The following ZNF687 variants were observed in gnomAD, a reference collection of about 807,000 sequenced individuals.
ZNF687 encodes zinc finger protein 687.
A neutral mutation model predicts 71.8 loss-of-function variants in ZNF687; 13 were observed. The observed-to-expected ratio is 0.18, with a 90% CI of 0.12 to 0.29. The LOEUF is 0.29. Among genes scored for constraint, ZNF687 ranks in the 10% least tolerant of loss-of-function variants. The pLI is 1.00. For synonymous variants in ZNF687, 673 were observed against 641.6 expected, an observed-to-expected ratio of 1.05 and a Z score of -0.74; for missense variants, 1,412 against 1,625.6, an observed-to-expected ratio of 0.87 and a Z score of 2.26.
rs200203393 is a variant in ZNF687, at chr1:151,289,444, C to T, written c.2538C>T (p.Phe846=). 4.3e-5 allele frequency: 70 copies of T among 1,614,180 alleles called. No homozygotes were observed. Among genetic ancestry groups the T allele is most frequent in the Admixed American group, 8.3e-5 (5 of 60,034 alleles). ...FTHKPLLSSH[F]DQHLLPQRVS... is the part of the protein sequence containing the mutation. ...ACAAACCCCTCCTCTCCTCACACTTCGACCAGCACTTGCTGCCCCAGCGTG... is the reference window on the plus strand; with the variant it reads ...ACAAACCCCTCCTCTCCTCACACTTTGACCAGCACTTGCTGCCCCAGCGTG... The change falls in exon 5 of 9, where the codon TTC becomes TTT. Residue 846 remains phenylalanine (F), a synonymous_variant. Transcript: ENST00000336715.
In ZNF687 at chr1:151,287,833, T is replaced by C. The variant is rs1484215826; in HGVS notation, c.1542T>C (p.Tyr514=). 1.9e-6 allele frequency: 3 copies of C among 1,613,862 alleles called. No homozygotes were observed. The highest frequency in any genetic ancestry group is 2.2e-5 in the East Asian group (1 of 44,888). The change falls in exon 2 of 9, where the codon TAT becomes TAC. Residue 514 remains tyrosine, a synonymous_variant. Coordinates refer to ENST00000336715, the MANE Select transcript of ZNF687 (RefSeq NM_020832.3). The surrounding 1 kb of genome is among the most constrained non-coding windows in gnomAD (Gnocchi z 5.0). ...ILNSKNLLPA[Y]RPNLSPPAEA... ...ACAGCAAGAACCTGCTCCCTGCCTA[T>C]AGGCCAAACCTGAGCCCACCAGCTG...
chr1:151,284,269 T>C (rs1209083180), intron 1 of ZNF687: 2 of 985,100 alleles, frequency 2.0e-6, no homozygotes, highest in African/African-American at 3.5e-5. Context: ...GAAATGTGTA[T>C]GTATCTTGGG....
In ZNF687 at chr1:151,287,420, A is replaced by G. The variant is rs772264906; in HGVS notation, c.1129A>G (p.Thr377Ala). The G allele has an allele frequency of 4.3e-6, 7 of 1,614,116 alleles. No individual in the cohort carries two copies. The Admixed American group carries it at 6.7e-5, about 15-fold the overall frequency. ...TAGCCTCTTGAAGCTGTCCCCTGCA[A>G]CACCTACTTCTGAGGGTCCAAAGGT... ...EASLLKLSPA[T>A]PTSEGPKVVS... Residue 377 changes from threonine (T) to alanine (A), a missense_variant, in exon 2 of 9, where the codon ACA becomes GCA. Transcript: ENST00000336715. The surrounding 1 kb of genome is among the most constrained non-coding windows in gnomAD (Gnocchi z 5.0).
chr1:151,289,165 G>A lies in ZNF687; in HGVS notation c.2365G>A (p.Glu789Lys), dbSNP rs181555523. ...IKSHIQTSHCEVFHKCPICPM... is the reference protein window; with the variant it reads ...IKSHIQTSHCKVFHKCPICPM... ...GTCCCACATCCAGACGTCGCACTGC[G>A]AGGTTTTCCACAAGTGCCCCATCTG... The change falls in exon 4 of 9, where the codon GAG becomes AAG. Residue 789 changes from glutamate (E) to lysine (K), a missense_variant. Physicochemically the swap from Glu to Lys is moderately conservative, Grantham distance 56. Around this residue, in one of 8 missense-constraint regions of ZNF687, gnomAD observed 106 missense variants for 146.0 expected, o/e 0.73. Coordinates refer to ENST00000336715, the MANE Select transcript of ZNF687 (RefSeq NM_020832.3). 8 of 1,614,180 alleles carry A rather than the reference G, an allele frequency of 5.0e-6. No homozygotes were observed. The highest frequency in any genetic ancestry group is 6.8e-6 in the Non-Finnish European group (8 of 1,180,036).
At chr1:151,281,931 G>C, upstream of ZNF687, 1 of 989,650 alleles carries the variant, frequency 1.0e-6, no homozygotes, top group Non-Finnish European at 1.3e-6. Context: ...AGTAGGGAGC[G>C]AGGGGCGGAG....
At position 151,289,888 on chromosome 1, in the gene ZNF687, G is replaced by A. The variant is rs1694131720; in HGVS notation, c.2845G>A (p.Gly949Arg). ...RPAKRPRREL[G>R]SKGLKGGGGG... ...AGCCAAACGGCCTCGGCGGGAACTA[G>A]GGAGCAAAGGCCTCAAGGGTGGGGG... is the stretch of plus-strand genomic sequence containing the variant. The change falls in exon 6 of 9, where the codon GGG becomes AGG. Residue 949 changes from glycine to arginine, a missense_variant. Gly to Arg is a moderately radical substitution (Grantham distance 125). Transcript: ENST00000336715. The A allele has an allele frequency of 1.3e-6, 2 of 1,561,316 alleles. No homozygotes were observed. The highest frequency in any genetic ancestry group is 1.7e-6 in the Non-Finnish European group (2 of 1,151,888).
intron 7 of ZNF687, 92 bp downstream of exon 7, chr1:151,290,326 C>G: frequency 2.5e-6 from 4 of 1,608,634 alleles, no homozygotes; most frequent in Middle Eastern, 3.3e-4. Flanking sequence ...GTCTAAGTGG[C>G]CTGATGGTTG....
At position 151,286,494 on chromosome 1, in the gene ZNF687, A is replaced by C; in HGVS notation, c.203A>C (p.Gln68Pro). The C allele has an allele frequency of 1.2e-6, 2 of 1,614,150 alleles. No individual in the cohort carries two copies. The highest frequency in any genetic ancestry group is 1.7e-6 in the Non-Finnish European group (2 of 1,179,978). ...SAGDGPGVPAQASDHGLPPPD... is the reference protein window; with the variant it reads ...SAGDGPGVPAPASDHGLPPPD... The stretch of plus-strand genomic sequence containing the variant: ...GGGGATGGCCCTGGAGTTCCAGCCC[A>C]GGCCTCTGACCATGGCCTGCCACCG... The change falls in exon 2 of 9, where the codon CAG becomes CCG. Residue 68 changes from glutamine to proline, a missense_variant. Physicochemically the swap from Gln to Pro is moderately conservative, Grantham distance 76. Around this residue, in one of 8 missense-constraint regions of ZNF687, gnomAD observed 490 missense variants for 489.9 expected, o/e 1.00. Transcript: ENST00000336715.
chr1:151,282,804 G>A (rs1026245357), intron 1 of ZNF687, among the ~76,000 whole-genome samples: 3 of 152,024 alleles, frequency 2.0e-5, no homozygotes, highest in Admixed American at 1.3e-4. Flanking sequence ...TCCGGGCCCG[G>A]GCAAGACTCA....
In ZNF687 at chr1:151,286,592, G is replaced by T; in HGVS notation, c.301G>T (p.Gly101Cys). The T allele has an allele frequency of 6.2e-7, 1 of 1,614,226 alleles. No individual in the cohort carries two copies. Among genetic ancestry groups the T allele is most frequent in the Non-Finnish European group, 8.5e-7 (1 of 1,180,040 alleles). The change falls in exon 2 of 9, where the codon GGC becomes TGC. Residue 101 changes from glycine (G) to cysteine (C), a missense_variant. Around this residue, in one of 8 missense-constraint regions of ZNF687, gnomAD observed 490 missense variants for 489.9 expected, o/e 1.00. Transcript: ENST00000336715. ...CGAGCAGTCTGAGGCCCTGGCTGGA[G>T]GCTCAGCAGGAGACGGGGCCCAGGC... ...CPEQSEALAG[G>C]SAGDGAQAAG... is the part of the protein sequence containing the mutation.
chr1:151,285,108 C>T (rs1331667400), intron 1 of ZNF687: 1 of 152,156 alleles, frequency 6.6e-6, no homozygotes, highest in Non-Finnish European at 1.5e-5. Flanking sequence ...AAAAGTAAGG[C>T]ACTGAAGAAA....
At position 151,287,283 on chromosome 1, in the gene ZNF687, G is replaced by A. The variant is rs369739255; in HGVS notation, c.992G>A (p.Arg331Gln). ...ASSSSRPLKV[R>Q]IKTIKTSCGN... is the part of the protein sequence containing the mutation. ...AGCTCCTCTAGGCCTCTTAAGGTGC[G>A]GATCAAGACCATTAAAACATCCTGC... Residue 331 changes from arginine (R) to glutamine (Q), a missense_variant, in exon 2 of 9, where the codon CGG (arginine) becomes CAG (glutamine). Physicochemically the swap from Arg to Gln is conservative, Grantham distance 43. Around this residue, in one of 8 missense-constraint regions of ZNF687, gnomAD observed 490 missense variants for 489.9 expected, o/e 1.00. Transcript: ENST00000336715. This position sits in a 1 kb window ranked among gnomAD's most constrained non-coding sequence, Gnocchi z 5.0. 22 of 1,614,160 alleles carry A rather than the reference G, an allele frequency of 1.4e-5. No homozygotes were observed. Among genetic ancestry groups the A allele is most frequent in the African/African-American group, 6.7e-5 (5 of 75,024 alleles).
chr1:151,282,051 A>ACGGACCCCGGCGCAGC (rs1693733054), upstream of ZNF687: 2 of 1,284,244 alleles, frequency 1.6e-6, no homozygotes, highest in African/African-American at 1.5e-5. Context: ...GATGGGGCAG[A>ACGGACCCCGGCGCAGC]CGGACCCCGG....
At chr1:151,290,330 ATGGT>A in intron 7 of ZNF687, 96 bp downstream of exon 7, 1 of 1,609,530 alleles carries the variant, frequency 6.2e-7, no homozygotes, top group Non-Finnish European at 8.5e-7. Context: ...AAGTGGCCTG[ATGGT>A]TGGGGTCTCC....
In ZNF687 at chr1:151,287,045, G is replaced by A. The variant is rs1486147685; in HGVS notation, c.754G>A (p.Ala252Thr). The change falls in exon 2 of 9, where the codon GCC becomes ACC. Residue 252 changes from alanine to threonine, a missense_variant. This residue lies in a region of ZNF687 where 490 missense variants were observed against 489.9 expected (regional missense o/e 1.00). Transcript: ENST00000336715. The surrounding 1 kb of genome is among the most constrained non-coding windows in gnomAD (Gnocchi z 5.0). ...TAAGGCCACGGACATCCCTGCCAGTGCCTCGCCTCCCCCAGTTGCTGGGGT... is the reference window on the plus strand; with the variant it reads ...TAAGGCCACGGACATCCCTGCCAGTACCTCGCCTCCCCCAGTTGCTGGGGT... Reference protein sequence around the residue: ...SPKATDIPASASPPPVAGVPF... With the variant: ...SPKATDIPASTSPPPVAGVPF... The A allele has an allele frequency of 3.7e-6, 6 of 1,609,378 alleles. No homozygotes were observed. The highest frequency in any genetic ancestry group is 1.7e-6 in the Non-Finnish European group (2 of 1,176,790).
Position 151,290,139 on chromosome 1 carries a change from C to T in ZNF687, c.2982C>T (p.Pro994=), listed in dbSNP as rs752056836. ...KEHGKSVKKF[P]CRLCERSFCS... is the part of the protein sequence containing the mutation. ...TCTCCTAGTCAGTGAAAAAGTTCCC[C>T]TGTCGCCTGTGTGAGCGCTCCTTCT... Residue 994 remains proline (P), a synonymous_variant, in exon 7 of 9, where the codon CCC becomes CCT. Transcript: ENST00000336715. 6 of 1,614,038 alleles carry T rather than the reference C, an allele frequency of 3.7e-6. No individual in the cohort carries two copies.
chr1:151,288,442 G>A (rs755564706), intron 2 of ZNF687, 36 bp downstream of exon 2: 34 of 1,588,350 alleles, frequency 2.1e-5, no homozygotes, highest in Non-Finnish European at 2.8e-5. Context: ...GTGGGGACAG[G>A]ATCTAGGAAG....
chr1:151,287,265 C>G lies in ZNF687; in HGVS notation c.974C>G (p.Ser325Cys). 9.9e-6 allele frequency: 16 copies of G among 1,614,230 alleles called. No individual in the cohort carries two copies. The highest frequency in any genetic ancestry group is 1.4e-5 in the Non-Finnish European group (16 of 1,180,032). The change falls in exon 2 of 9, where the codon TCT becomes TGT. Residue 325 changes from serine to cysteine, a missense_variant. Physicochemically the swap from Ser to Cys is moderately radical, Grantham distance 112. Around this residue, in one of 8 missense-constraint regions of ZNF687, gnomAD observed 490 missense variants for 489.9 expected, o/e 1.00. Transcript: ENST00000336715. The surrounding 1 kb of genome is among the most constrained non-coding windows in gnomAD (Gnocchi z 5.0). Reference protein sequence around the residue: ...DSNDSPASSSSRPLKVRIKTI... With the variant: ...DSNDSPASSSCRPLKVRIKTI... The stretch of plus-strand genomic sequence containing the variant: ...AATGACTCCCCTGCCTCCAGCTCCT[C>G]TAGGCCTCTTAAGGTGCGGATCAAG...
At chr1:151,282,559 G>A (rs1693760699) in intron 1 of ZNF687, among the ~76,000 whole-genome samples, 164 bp downstream of exon 1, 1 of 152,152 alleles carries the variant, frequency 6.6e-6, no homozygotes, top group Non-Finnish European at 1.5e-5. Flanking sequence ...CATTGGGGCG[G>A]ATGGGCGAAA....
Sources: allele counts gnomAD v4.1 joint callset (sites outside exome capture counted in the v4.1 genomes callset), GRCh38; gene constraint gnomAD v4.1.1; regional missense constraint gnomAD v4.1.1; non-coding constraint Gnocchi (gnomAD v3.1); transcripts MANE v1.5; gene names NCBI Gene and HGNC (gene_info 2026-07-23, HGNC 2026-07-21).